The following CMC1 variants were observed in gnomAD, a reference collection of about 807,000 sequenced individuals.
CMC1 encodes the protein C-X9-C motif containing 1, also known as COX assembly mitochondrial protein homolog.
Under a neutral mutation model 14.1 loss-of-function variants are expected in CMC1, and 14 were observed. That is an observed-to-expected ratio of 0.99 (90% CI 0.66 to 1.55). CMC1 has a LOEUF of 1.55. Ranked by LOEUF, CMC1 falls within the 40% of genes most tolerant of loss-of-function variation. CMC1 has a pLI of 0.00. For missense variants in CMC1, 127 were observed against 123.8 expected (o/e 1.03, Z -0.12); for synonymous variants, 50 against 38.4 (o/e 1.30, Z -1.12).
At chr3:28,261,375 G>A (rs1309857847) in intron 1 of CMC1, among the ~76,000 whole-genome samples, 1 of 152,172 alleles carries the variant, frequency 6.6e-6, no homozygotes, top group Non-Finnish European at 1.5e-5. Flanking sequence ...TAGCATGAAC[G>A]AATGGTGTTG....
rs752308294 is a variant in CMC1, at chr3:28,316,442, GT to G, written c.200+22del. On this transcript the variant is annotated intron_variant, in intron 3 of 3. Coordinates refer to ENST00000466830, the MANE Select transcript of CMC1 (RefSeq NM_182523.2). ...CTGCTTAGTAAGTAGTTGTCTCAGC[GT>G]TTGTGCTTGTATGTGTATTTGTGGT... 7.1e-7 allele frequency: 1 copy of G among 1,414,456 alleles called. No homozygotes were observed. The highest frequency in any genetic ancestry group is 1.4e-5 in the African/African-American group (1 of 69,592). The allele number at this position is 1,414,456 out of a possible 1,614,324, so 87.6% of individuals were successfully genotyped here.
chr3:28,317,269 T>G (rs1475593689), intron 3 of CMC1: 1 of 152,076 alleles, frequency 6.6e-6, no homozygotes. Context: ...TGGAAAAGAC[T>G]TTAGAGATTA....
At chr3:28,315,382 C>T (rs116521006) in intron 2 of CMC1, among the ~76,000 whole-genome samples, 2,539 of 152,232 alleles carry the variant, frequency 0.017, 82 homozygotes, top group African/African-American at 0.058. Flanking sequence ...GGAAATTTGA[C>T]AGAAAGCCAT....
chr3:28,278,858 C>G (rs1700724695), intron 2 of CMC1, among the ~76,000 whole-genome samples: 1 of 152,128 alleles, frequency 6.6e-6, no homozygotes, highest in Non-Finnish European at 1.5e-5. Context: ...ATAGCAAATA[C>G]AGTTCATCTG....
Position 28,320,662 on chromosome 3 carries a change from A to G in CMC1, c.*1033A>G, listed in dbSNP as rs1294960417. The G allele has an allele frequency of 2.8e-5, 3 of 107,190 alleles. No individual in the cohort carries two copies. Among genetic ancestry groups the G allele is most frequent in the Non-Finnish European group, 6.3e-5 (3 of 47,676 alleles). The allele number at this position is 107,190 out of a possible 1,614,324, so 6.6% of individuals were successfully genotyped here. A position where few individuals can be genotyped will look rare whatever the true frequency, so the allele number is the denominator to read the frequency against. On this transcript the variant is annotated 3_prime_UTR_variant, in exon 4 of 4. Transcript: ENST00000466830. ...TCTTTGATGTAGAATTTTCTAAAAC[A>G]TAATGTTCTTAACCTGATAACTTGT... is the stretch of plus-strand genomic sequence containing the variant.
chr3:28,266,025 T>C (rs1451290782), intron 2 of CMC1, among the ~76,000 whole-genome samples: 1 of 152,142 alleles, frequency 6.6e-6, no homozygotes, highest in Non-Finnish European at 1.5e-5. Context: ...ATGTTACCTA[T>C]TGATGTGAGG....
intron 2 of CMC1, among the ~76,000 whole-genome samples, chr3:28,267,010 C>T (rs1700036300): frequency 6.6e-6 from 1 of 152,086 alleles, no homozygotes; most frequent in Non-Finnish European, 1.5e-5. Flanking sequence ...AAACAGTAAC[C>T]TCCCACCAAC....
intron 2 of CMC1, chr3:28,316,132 C>G (rs1192932413): frequency 2.7e-6 from 1 of 374,412 alleles, no homozygotes; most frequent in Non-Finnish European, 4.8e-6. Flanking sequence ...GTGTACATGT[C>G]TTTTGTTGAG....
intron 3 of CMC1, chr3:28,316,720 T>C (rs1341211545): frequency 5.3e-6 from 1 of 190,326 alleles, no homozygotes; most frequent in Non-Finnish European, 1.1e-5. Context: ...TAAAATATAG[T>C]ACAGACTGAT....
Position 28,316,693 on chromosome 3 carries a change from A to C in CMC1, c.200+270A>C, listed in dbSNP as rs1212899886. ...TTCACTATTTAATAAATCTTTTTTCATGAACAGTTTGATCTGTAAAATATA... is the reference window on the plus strand; with the variant it reads ...TTCACTATTTAATAAATCTTTTTTCCTGAACAGTTTGATCTGTAAAATATA... On this transcript the variant is annotated intron_variant, in intron 3 of 3. Transcript: ENST00000466830. 4.3e-5 allele frequency: 10 copies of C among 232,800 alleles called. No individual in the cohort carries two copies. In the Admixed American group the frequency reaches 4.8e-4, roughly 11 times the overall value. 14.4% of individuals were successfully genotyped at this position (232,800 alleles called of 1,614,324 possible). A position where few individuals can be genotyped will look rare whatever the true frequency, so the allele number is the denominator to read the frequency against.
intron 1 of CMC1, among the ~76,000 whole-genome samples, chr3:28,244,809 A>G (rs1425429879): frequency 1.3e-5 from 2 of 152,030 alleles, no homozygotes; most frequent in African/African-American, 4.8e-5. Flanking sequence ...AAATCTAACA[A>G]TGTGATTATT....
intron 2 of CMC1, among the ~76,000 whole-genome samples, chr3:28,310,559 T>G (rs1200499881): frequency 6.6e-6 from 1 of 152,236 alleles, no homozygotes; most frequent in Non-Finnish European, 1.5e-5. Context: ...TAATTTTTTC[T>G]TTTTCGTTCT....
chr3:28,275,699 C>G (rs939820398), intron 2 of CMC1, among the ~76,000 whole-genome samples: 3 of 152,264 alleles, frequency 2.0e-5, no homozygotes, highest in East Asian at 3.9e-4. Flanking sequence ...CCCAGTTTCT[C>G]AGAGCCAGCA....
chr3:28,292,770 G>A (rs1156460795), intron 2 of CMC1: 1 of 152,126 alleles, frequency 6.6e-6, no homozygotes, highest in African/African-American at 2.4e-5. Context: ...GTCTAAAAAT[G>A]TGGTCTCCAG....
chr3:28,300,925 C>T (rs1467908382), intron 2 of CMC1, among the ~76,000 whole-genome samples: 4 of 127,186 alleles, frequency 3.1e-5, no homozygotes, highest in Middle Eastern at 4.2e-3. Flanking sequence ...ACCCCCCCGA[C>T]GTGTACACAT....
chr3:28,324,134 C>T lies in CMC1; in HGVS notation c.*4505C>T. ...GGCAAAGTTTTAGTTTTAGTTTCCC[C>T]AAATGCTGTCTCACTTGATTTAGGA... On this transcript the variant is annotated 3_prime_UTR_variant, in exon 4 of 4. Transcript: ENST00000466830. 6.2e-7 allele frequency: 1 copy of T among 1,610,534 alleles called. No individual in the cohort carries two copies. Among genetic ancestry groups the T allele is most frequent in the Non-Finnish European group, 8.5e-7 (1 of 1,177,552 alleles).
In CMC1 at chr3:28,255,753, A is replaced by ACACG. The variant is rs1373697140; in HGVS notation, c.20-7537_20-7536insACGC. ...CACACACACACACACACACACACAC[A>ACACG]CGCGACAGAGATGATATGTAAAGCT... On this transcript the variant is annotated intron_variant, in intron 1 of 3. Coordinates refer to ENST00000466830, the MANE Select transcript of CMC1 (RefSeq NM_182523.2). 6.1e-4 allele frequency among the ~76,000 whole-genome samples: 92 copies of ACACG among 151,076 alleles called. No individual in the cohort carries two copies. The Middle Eastern group carries it at 0.021, about 34-fold the overall frequency.
chr3:28,245,561 G>A (rs1017701855), intron 1 of CMC1, among the ~76,000 whole-genome samples: 6 of 152,176 alleles, frequency 3.9e-5, no homozygotes, highest in African/African-American at 1.4e-4. Flanking sequence ...CCTTAATCAG[G>A]TGTGTGTGTG....
At chr3:28,257,305 A>C (rs1266784390) in intron 1 of CMC1, among the ~76,000 whole-genome samples, 1 of 152,180 alleles carries the variant, frequency 6.6e-6, no homozygotes, top group Non-Finnish European at 1.5e-5. Flanking sequence ...ACCATAGATT[A>C]ACTTTGCATG....
Sources: gnomAD v4.1 joint callset for allele counts (sites outside exome capture counted in the v4.1 genomes callset) on GRCh38, gnomAD v4.1.1 for gene constraint, MANE v1.5 for transcripts, NCBI Gene and HGNC (gene_info 2026-07-23, HGNC 2026-07-21) for gene names.